IFT27: variants seen among roughly 807,000 people sequenced by gnomAD.
IFT27 encodes intraflagellar transport protein 27 homolog.
In IFT27, 19 loss-of-function variants were observed where a neutral mutation model predicts 23.9. That is an observed-to-expected ratio of 0.79 (90% confidence interval 0.55 to 1.16). The LOEUF (loss-of-function observed/expected upper bound fraction) is 1.16, where lower values mean the gene tolerates loss of function less well. Ranked by LOEUF, IFT27 falls within the 50% of genes most tolerant of loss-of-function variation. IFT27 has a pLI of 0.00. For synonymous variants in IFT27, 91 were observed against 89.1 expected, an observed-to-expected ratio of 1.02 and a Z score of -0.12; for missense variants, 206 against 228.7, an observed-to-expected ratio of 0.90 and a Z score of 0.64.
intron 1 of IFT27, among the ~76,000 whole-genome samples, chr22:36,770,526 T>C (rs902959779): frequency 6.6e-6 from 1 of 152,196 alleles, no homozygotes; most frequent in Non-Finnish European, 1.5e-5. Context: ...GCGTTGCCAC[T>C]AGAATGAAGG....
At position 36,763,958 on chromosome 22, in the gene IFT27, C is replaced by T; in HGVS notation, c.313G>A (p.Glu105Lys). ...CCTGGAGCCTGTGACCGAGCCTTCT[C>T]CAGCCACTTGCTGCAGTTGTTGAAG... Reference protein sequence around the residue: ...ESFNNCSKWLEKARSQAPGIS... With the variant: ...ESFNNCSKWLKKARSQAPGIS... The change falls in exon 5 of 7, where the codon GAG becomes AAG. Residue 105 changes from glutamate (E) to lysine (K), a missense_variant. Coordinates refer to ENST00000433985, the MANE Select transcript of IFT27 (RefSeq NM_001177701.3). 1 of 1,614,186 alleles carries T rather than the reference C, an allele frequency of 6.2e-7. No individual in the cohort carries two copies. Among genetic ancestry groups the T allele is most frequent in the Non-Finnish European group, 8.5e-7 (1 of 1,179,984 alleles).
chr22:36,771,940 C>G (rs1601502465), intron 1 of IFT27, among the ~76,000 whole-genome samples: 1 of 152,156 alleles, frequency 6.6e-6, no homozygotes, highest in African/African-American at 2.4e-5. Context: ...TCAGCCCTAA[C>G]CCACCTTCCC....
In IFT27 at chr22:36,758,277, TCTC is replaced by T. The variant is rs1362694405; in HGVS notation, c.*31_*33del. On this transcript the variant is annotated 3_prime_UTR_variant, in exon 7 of 7. Transcript: ENST00000433985. Reference sequence around the variant, plus strand: ...TAAAAGAGCAGAGGTAATTCTGTCTTCTCCGGTTGTGCAGCACGATCTGCTCCA... The same window carrying T: ...TAAAAGAGCAGAGGTAATTCTGTCTTCGGTTGTGCAGCACGATCTGCTCCA... The T allele has an allele frequency of 1.3e-6, 2 of 1,488,844 alleles. No homozygotes were observed. Among genetic ancestry groups the T allele is most frequent in the Non-Finnish European group, 1.9e-6 (2 of 1,066,014 alleles). 92.2% of individuals were successfully genotyped at this position (1,488,844 alleles called of 1,614,324 possible).
chr22:36,765,170 T>A (rs1938212341), intron 4 of IFT27, among the ~76,000 whole-genome samples: 1 of 152,182 alleles, frequency 6.6e-6, no homozygotes, highest in Non-Finnish European at 1.5e-5. Flanking sequence ...CTCTGTTACA[T>A]GCACGCAGGA....
chr22:36,767,323 C>T lies in IFT27; in HGVS notation c.157G>A (p.Asp53Asn), dbSNP rs142815512. The change falls in exon 3 of 7, where the codon GAC (aspartate) becomes AAC (asparagine). Residue 53 changes from aspartate to asparagine, a missense_variant. By Grantham distance (23) the Asp-to-Asn change is conservative. Transcript: ENST00000433985. ...DLVVKTVPVP[D>N]TGDSVELFIF... ...TCACTCACCACACTGTCTCCCGTGT[C>T]AGGAACTGGCACTGTCTTCACCACC... The T allele has an allele frequency of 1.1e-4, 173 of 1,613,754 alleles. 2 individuals carry two copies. The African/African-American group carries it at 1.9e-3, about 17-fold the overall frequency.
At chr22:36,775,025 A>T (rs1016690132) in intron 1 of IFT27, among the ~76,000 whole-genome samples, 2 of 152,222 alleles carry the variant, frequency 1.3e-5, no homozygotes, top group Admixed American at 6.5e-5. Context: ...TCACATATTC[A>T]TCCATTCTAA....
chr22:36,774,653 CA>C (rs35220201), intron 1 of IFT27, among the ~76,000 whole-genome samples: 115,357 of 151,700 alleles, frequency 0.76, 44,251 homozygotes, highest in Middle Eastern at 0.92. Flanking sequence ...ATTAAAAATA[CA>C]AAAAAAAATT....
chr22:36,766,414 A>T, intron 3 of IFT27: 1 of 546,100 alleles, frequency 1.8e-6, no homozygotes, highest in Non-Finnish European at 3.3e-6. Flanking sequence ...GGGTTCTCGC[A>T]CCAACCAGCA....
rs116089782 is a variant in IFT27, at chr22:36,764,441, C to T, written c.235-405G>A. Among the ~76,000 whole-genome samples the T allele has an allele frequency of 6.2e-3, 943 of 152,346 alleles. 10 individuals carry two copies. The highest frequency in any genetic ancestry group is 0.02 in the African/African-American group (819 of 41,578). On this transcript the variant is annotated intron_variant, in intron 4 of 6. Coordinates refer to ENST00000433985, the MANE Select transcript of IFT27 (RefSeq NM_001177701.3). ...AGACAACGATGACAGAGATGGGGGA[C>T]GACTGAGTTCTTCTCTACCCAACAA...
At chr22:36,769,034 T>C (rs1472991598) in intron 1 of IFT27, among the ~76,000 whole-genome samples, 1 of 152,264 alleles carries the variant, frequency 6.6e-6, no homozygotes, top group African/African-American at 2.4e-5. Flanking sequence ...GTTTTGACTT[T>C]TCCCACCTAT....
At position 36,766,131 on chromosome 22, in the gene IFT27, T is replaced by C; in HGVS notation, c.234+7A>G. 1 of 1,613,146 alleles carries C rather than the reference T, an allele frequency of 6.2e-7. No individual in the cohort carries two copies. The highest frequency in any genetic ancestry group is 8.5e-7 in the Non-Finnish European group (1 of 1,179,034). ...GACAGTCAGGAAAAAGACCACGTGC[T>C]ACTTGCCAATTTATCCAGCATTTCC... On this transcript the variant is annotated splice_region_variant and intron_variant, in intron 4 of 6. Coordinates refer to ENST00000433985, the MANE Select transcript of IFT27 (RefSeq NM_001177701.3).
At chr22:36,769,487 T>C (rs996454890) in intron 1 of IFT27, among the ~76,000 whole-genome samples, 9 of 152,170 alleles carry the variant, frequency 5.9e-5, no homozygotes, top group African/African-American at 2.2e-4. Flanking sequence ...CCCGAGTAGC[T>C]GGGACTACAG....
At position 36,766,177 on chromosome 22, in the gene IFT27, A is replaced by G; in HGVS notation, c.195T>C (p.Ser65=). ...GDSVELFIFD[S]AGKELFSEML... ...TTTCCGAAAACAGCTCCTTGCCAGC[A>G]GAGTCAAAAATGAAGAGTTCCTACA... Residue 65 remains serine (S), a synonymous_variant, in exon 4 of 7, where the codon TCT becomes TCC. Transcript: ENST00000433985. 6.2e-7 allele frequency: 1 copy of G among 1,614,214 alleles called. No individual in the cohort carries two copies. Among genetic ancestry groups the G allele is most frequent in the Non-Finnish European group, 8.5e-7 (1 of 1,180,040 alleles).
intron 1 of IFT27, among the ~76,000 whole-genome samples, chr22:36,769,903 G>A (rs535643536): frequency 1.3e-5 from 2 of 152,316 alleles, no homozygotes; most frequent in East Asian, 3.9e-4. Context: ...TCCTCTGACT[G>A]TCAGTCAGAG....
At chr22:36,763,568 G>C in intron 5 of IFT27, 2 of 402,572 alleles carry the variant, frequency 5.0e-6, no homozygotes, top group South Asian at 4.4e-5. Context: ...AGTGACAACA[G>C]GCTTGAATGT....
chr22:36,770,963 C>T (rs1049949240), intron 1 of IFT27, among the ~76,000 whole-genome samples: 1 of 152,204 alleles, frequency 6.6e-6, no homozygotes, highest in African/African-American at 2.4e-5. Context: ...GAGGACACTG[C>T]TCTTCCCGCC....
At chr22:36,775,398 G>A (rs1938478308) in intron 1 of IFT27, among the ~76,000 whole-genome samples, 1 of 152,196 alleles carries the variant, frequency 6.6e-6, no homozygotes, top group African/African-American at 2.4e-5. Context: ...CTCCAGAGTT[G>A]TAACTAGTGA....
chr22:36,771,160 A>C (rs1248117645), intron 1 of IFT27, among the ~76,000 whole-genome samples: 3 of 152,106 alleles, frequency 2.0e-5, no homozygotes, highest in Non-Finnish European at 4.4e-5. Flanking sequence ...CTTGGCTCCC[A>C]GGGCCCCTCC....
At position 36,758,231 on chromosome 22, in the gene IFT27, T is replaced by C. The variant is rs1279254311; in HGVS notation, c.*80A>G. The C allele has an allele frequency of 3.4e-6, 4 of 1,180,686 alleles. No homozygotes were observed. The African/African-American group carries it at 6.1e-5, about 18-fold the overall frequency. 73.1% of individuals were successfully genotyped at this position (1,180,686 alleles called of 1,614,324 possible). A position where few individuals can be genotyped will look rare whatever the true frequency, so the allele number is the denominator to read the frequency against. ...GCTTCGACATTTTCTCCTAATTTTA[T>C]TTAAAGCCATCATTATATATTAAAA... On this transcript the variant is annotated 3_prime_UTR_variant, in exon 7 of 7. Transcript: ENST00000433985.
Sources: allele counts gnomAD v4.1 joint callset (sites outside exome capture counted in the v4.1 genomes callset), GRCh38; gene constraint gnomAD v4.1.1; transcripts MANE v1.5; gene names NCBI Gene and HGNC (gene_info 2026-07-23, HGNC 2026-07-21).